HTR4: variants seen among roughly 807,000 people sequenced by gnomAD.
HTR4 encodes the protein 5-hydroxytryptamine receptor 4, also known as 5-hydroxytryptamine (serotonin) receptor 4, G protein-coupled.
A neutral mutation model predicts 36.8 loss-of-function variants in HTR4; 16 were observed. The ratio of observed to expected loss-of-function variants is 0.43; its 90% CI spans 0.29 to 0.66. HTR4 has a LOEUF of 0.66. Among genes scored for constraint, HTR4 ranks in the 30% least tolerant of loss-of-function variants. The pLI is 0.13. For synonymous variants in HTR4, 189 were observed against 185.1 expected, an observed-to-expected ratio of 1.02 and a Z score of -0.17; for missense variants, 438 against 490.9, an observed-to-expected ratio of 0.89 and a Z score of 1.02.
chr5:148,562,948 T>C (rs1348897913), intron 2 of HTR4, among the ~76,000 whole-genome samples: 1 of 152,186 alleles, frequency 6.6e-6, no homozygotes, highest in African/African-American at 2.4e-5. Flanking sequence ...TCAACTGGCA[T>C]CCCTGCTTCC....
chr5:148,621,533 A>G (rs1302262194), intron 2 of HTR4, among the ~76,000 whole-genome samples: 4 of 152,222 alleles, frequency 2.6e-5, no homozygotes, highest in Non-Finnish European at 5.9e-5. Flanking sequence ...AGAGAGACCA[A>G]TTCTAACGAC....
intron 2 of HTR4, among the ~76,000 whole-genome samples, chr5:148,634,065 G>A (rs1359844089): frequency 6.6e-6 from 1 of 152,142 alleles, no homozygotes; most frequent in Non-Finnish European, 1.5e-5. Context: ...GAAGTGAGCA[G>A]TATGGCCGGA....
At chr5:148,614,912 C>CA (rs1173411032) in intron 2 of HTR4, among the ~76,000 whole-genome samples, 2 of 151,226 alleles carry the variant, frequency 1.3e-5, no homozygotes, top group Non-Finnish European at 2.9e-5. Context: ...TTTATGTAGC[C>CA]AAAAAACACA....
At chr5:148,473,246 G>A (rs1002801176), downstream of HTR4, among the ~76,000 whole-genome samples, 1 of 150,102 alleles carries the variant, frequency 6.7e-6, no homozygotes, top group Non-Finnish European at 1.5e-5. Context: ...TGCATGCAGT[G>A]AGCCGAGATC....
intron 3 of HTR4, 71 bp from the exon 4 acceptor site, chr5:148,548,939 C>T (rs1288127078): frequency 9.5e-7 from 1 of 1,056,950 alleles, no homozygotes; most frequent in Non-Finnish European, 1.4e-6. Flanking sequence ...GAGAAGAGAT[C>T]AAGAGAAAAA....
At chr5:148,550,366 A>T (rs1759623080) in intron 2 of HTR4, 104 bp from the exon 3 acceptor site, 2 of 1,265,250 alleles carry the variant, frequency 1.6e-6, no homozygotes, top group South Asian at 1.3e-5. Flanking sequence ...CTTCACCATC[A>T]GCTGATGACA....
At position 148,570,336 on chromosome 5, in the gene HTR4, G is replaced by T. The variant is rs897245040; in HGVS notation, c.27-20074C>A. ...GTCCCTTCCCTCAGGGAGCTCAGAGGCTACTGAAGGAGACAGACATGAATC... is the reference window on the plus strand; with the variant it reads ...GTCCCTTCCCTCAGGGAGCTCAGAGTCTACTGAAGGAGACAGACATGAATC... On this transcript the variant is annotated intron_variant, in intron 2 of 6. Coordinates refer to ENST00000377888, the MANE Select transcript of HTR4 (RefSeq NM_000870.7). Among the ~76,000 whole-genome samples the T allele has an allele frequency of 3.9e-5, 6 of 152,104 alleles. 1 individual carries two copies. Among genetic ancestry groups the T allele is most frequent in the African/African-American group, 1.4e-4 (6 of 41,438 alleles).
rs193020206 is a variant in HTR4 at position 148,607,659 on chromosome 5, T to C, written c.26+29330A>G. Among the ~76,000 whole-genome samples, 5 of 152,298 alleles carry C rather than the reference T, an allele frequency of 3.3e-5. No individual in the cohort carries two copies. In the East Asian group the frequency reaches 9.7e-4, roughly 30 times the overall value. On this transcript the variant is annotated intron_variant, in intron 2 of 6. Coordinates refer to ENST00000377888, the MANE Select transcript of HTR4 (RefSeq NM_000870.7). ...AGCCAATTGGAGCACTAAGTTTCTC[T>C]GACCACAGTAATTAGTTCATCACAG...
Position 148,481,954 on chromosome 5 carries a change from T to C in HTR4, c.*1249A>G. ...GCAGGCAGGCCATGGCTTCTCGAGGTAGCAGACGGCTATAGCAGCATACTG... is the reference window on the plus strand; with the variant it reads ...GCAGGCAGGCCATGGCTTCTCGAGGCAGCAGACGGCTATAGCAGCATACTG... On this transcript the variant is annotated 3_prime_UTR_variant, in exon 7 of 7. Transcript: ENST00000377888. 5 of 1,073,324 alleles carry C rather than the reference T, an allele frequency of 4.7e-6. No homozygotes were observed. Among genetic ancestry groups the C allele is most frequent in the Non-Finnish European group, 5.6e-6 (5 of 887,704 alleles). The allele number at this position is 1,073,324 out of a possible 1,614,324, so 66.5% of individuals were successfully genotyped here.
intron 4 of HTR4, among the ~76,000 whole-genome samples, chr5:148,539,237 A>G (rs1581444776): frequency 6.6e-6 from 1 of 152,350 alleles, no homozygotes; most frequent in South Asian, 2.1e-4. Flanking sequence ...AGATGGATTA[A>G]AGACTTAAAT....
chr5:148,557,780 AAT>A (rs1043108075), intron 2 of HTR4, among the ~76,000 whole-genome samples: 3 of 147,934 alleles, frequency 2.0e-5, no homozygotes, highest in African/African-American at 7.4e-5. Flanking sequence ...TATATTATAT[AAT>A]ATATATATTA....
chr5:148,535,084 C>T (rs535333190), intron 4 of HTR4, among the ~76,000 whole-genome samples: 1 of 152,248 alleles, frequency 6.6e-6, no homozygotes, highest in East Asian at 1.9e-4. Context: ...CTAAGTGCCA[C>T]CCACAGGACC....
At chr5:148,571,525 C>T (rs922757496) in intron 2 of HTR4, among the ~76,000 whole-genome samples, 3 of 151,942 alleles carry the variant, frequency 2.0e-5, no homozygotes, top group Non-Finnish European at 1.5e-5. Flanking sequence ...CGTTAGATTA[C>T]TCGTGGATTT....
chr5:148,487,186 T>C (rs563917549), intron 6 of HTR4, among the ~76,000 whole-genome samples: 21 of 152,280 alleles, frequency 1.4e-4, no homozygotes, highest in Admixed American at 8.5e-4. Context: ...AAGAGGAAAG[T>C]GTAATGTAGA....
At chr5:148,583,968 T>A (rs1195632532) in intron 2 of HTR4, among the ~76,000 whole-genome samples, 1 of 152,186 alleles carries the variant, frequency 6.6e-6, no homozygotes, top group Non-Finnish European at 1.5e-5. Context: ...TTTTAACATT[T>A]ACATTTGATC....
chr5:148,515,663 T>C (rs1757710720), intron 5 of HTR4, among the ~76,000 whole-genome samples: 1 of 152,212 alleles, frequency 6.6e-6, no homozygotes. Flanking sequence ...TTTCATTTTA[T>C]TGCATGGTCA....
At chr5:148,617,518 G>A (rs980470451) in intron 2 of HTR4, among the ~76,000 whole-genome samples, 2 of 151,366 alleles carry the variant, frequency 1.3e-5, no homozygotes, top group South Asian at 4.2e-4. Context: ...ACACAGGCTA[G>A]AATGCAGTGG....
intron 4 of HTR4, among the ~76,000 whole-genome samples, chr5:148,531,824 C>T (rs1479906262): frequency 2.0e-5 from 3 of 152,138 alleles, no homozygotes; most frequent in Admixed American, 6.6e-5. Flanking sequence ...CCTCTGAAGT[C>T]TTATTTTCTG....
intron 6 of HTR4, among the ~76,000 whole-genome samples, chr5:148,500,410 A>G (rs1417176598): frequency 6.6e-6 from 1 of 152,106 alleles, no homozygotes. Flanking sequence ...ACTGGGAAAA[A>G]GTTGCTGGTG....
Sources: gnomAD v4.1 joint callset for allele counts (sites outside exome capture counted in the v4.1 genomes callset) on GRCh38, gnomAD v4.1.1 for gene constraint, MANE v1.5 for transcripts, NCBI Gene and HGNC (gene_info 2026-07-23, HGNC 2026-07-21) for gene names.